HTR1F: variants seen among roughly 807,000 people sequenced by gnomAD.
HTR1F encodes 5-hydroxytryptamine (serotonin) receptor 1F, G protein-coupled.
Under a neutral mutation model 24.0 loss-of-function variants are expected in HTR1F, and 17 were observed. The ratio of observed to expected loss-of-function variants is 0.71; its 90% CI spans 0.48 to 1.06. The LOEUF is 1.06. Among genes scored for constraint, HTR1F ranks in the 50% least tolerant of loss-of-function variants. HTR1F has a pLI of 0.00. For synonymous variants in HTR1F, 186 were observed against 156.8 expected, an observed-to-expected ratio of 1.19 and a Z score of -1.39; for missense variants, 391 against 427.8, an observed-to-expected ratio of 0.91 and a Z score of 0.76.
At chr3:87,806,644 A>G (rs1282372562) in intron 1 of HTR1F, among the ~76,000 whole-genome samples, 2 of 152,052 alleles carry the variant, frequency 1.3e-5, no homozygotes, top group Non-Finnish European at 2.9e-5. Flanking sequence ...GCTGTGAAGA[A>G]GAGTTTTAGT....
chr3:87,855,411 C>T (rs968366200), intron 2 of HTR1F, among the ~76,000 whole-genome samples: 4 of 152,060 alleles, frequency 2.6e-5, no homozygotes, highest in African/African-American at 4.8e-5. Context: ...ATCCCAGAGG[C>T]CTCCAAGGCT....
At chr3:87,902,969 C>A (rs546362794) in intron 2 of HTR1F, among the ~76,000 whole-genome samples, 1 of 151,182 alleles carries the variant, frequency 6.6e-6, no homozygotes, top group Non-Finnish European at 1.5e-5. Flanking sequence ...GAAATAATGC[C>A]GCATATCTAC....
chr3:87,992,814 T>C lies in HTR1F; in HGVS notation c.*964T>C, dbSNP rs1288731693. Reference sequence around the variant, plus strand: ...TTCCATACCTTTGATTTCAACATTATTTCCCGTTTACTAGACAGAATATAA... The same window carrying C: ...TTCCATACCTTTGATTTCAACATTACTTCCCGTTTACTAGACAGAATATAA... On this transcript the variant is annotated 3_prime_UTR_variant, in exon 3 of 3. Coordinates refer to ENST00000319595, the MANE Select transcript of HTR1F (RefSeq NM_001322209.2). 6.0e-6 allele frequency: 1 copy of C among 167,008 alleles called. No homozygotes were observed. The highest frequency in any genetic ancestry group is 1.5e-5 in the Non-Finnish European group (1 of 68,096). The allele number at this position is 167,008 out of a possible 1,614,324, so 10.3% of individuals were successfully genotyped here. A position where few individuals can be genotyped will look rare whatever the true frequency, so the allele number is the denominator to read the frequency against.
chr3:87,971,360 G>C (rs1186878219), intron 2 of HTR1F, among the ~76,000 whole-genome samples: 2 of 152,026 alleles, frequency 1.3e-5, no homozygotes, highest in Non-Finnish European at 2.9e-5. Flanking sequence ...TTGAGCCCAG[G>C]AGCTTGAGAT....
intron 2 of HTR1F, among the ~76,000 whole-genome samples, chr3:87,879,909 G>C (rs1705751811): frequency 6.6e-6 from 1 of 151,856 alleles, no homozygotes; most frequent in African/African-American, 2.4e-5. Context: ...TGTACAAACA[G>C]AACATTAGGA....
intron 2 of HTR1F, among the ~76,000 whole-genome samples, chr3:87,844,236 G>A (rs561473530): frequency 0.011 from 1,692 of 151,868 alleles, 60 homozygotes; most frequent in African/African-American, 0.038. Flanking sequence ...GGTGTGAGAT[G>A]ATATCTCATT....
chr3:87,806,538 G>T (rs1413706937), intron 1 of HTR1F, among the ~76,000 whole-genome samples: 2 of 151,776 alleles, frequency 1.3e-5, no homozygotes, highest in African/African-American at 4.8e-5. Flanking sequence ...TGAGTTCATC[G>T]TATATTCTAG....
intron 2 of HTR1F, among the ~76,000 whole-genome samples, chr3:87,916,118 A>C (rs1166300507): frequency 6.6e-6 from 1 of 152,096 alleles, no homozygotes; most frequent in African/African-American, 2.4e-5. Flanking sequence ...AGCATCATAC[A>C]TGAAGAAAAG....
At chr3:87,926,326 G>A (rs1329944198) in intron 2 of HTR1F, among the ~76,000 whole-genome samples, 1 of 152,166 alleles carries the variant, frequency 6.6e-6, no homozygotes, top group Non-Finnish European at 1.5e-5. Context: ...TATGCACAGA[G>A]ATAAAACTCC....
intron 2 of HTR1F, among the ~76,000 whole-genome samples, chr3:87,915,898 A>G (rs1419260894): frequency 6.6e-6 from 1 of 152,148 alleles, no homozygotes; most frequent in Admixed American, 6.6e-5. Flanking sequence ...ACCTAGCCAC[A>G]CTGTCATCAG....
At chr3:87,875,414 C>G (rs183173643) in intron 2 of HTR1F, among the ~76,000 whole-genome samples, 1 of 151,686 alleles carries the variant, frequency 6.6e-6, no homozygotes, top group East Asian at 1.9e-4. Flanking sequence ...CATACCACTG[C>G]ACTCCAGCCT....
At chr3:87,913,520 G>A (rs1050054462) in intron 2 of HTR1F, among the ~76,000 whole-genome samples, 4 of 152,124 alleles carry the variant, frequency 2.6e-5, no homozygotes, top group African/African-American at 9.7e-5. Context: ...AAGACCATGT[G>A]GCAATTCCTC....
chr3:87,851,348 G>A (rs1705082341), intron 2 of HTR1F, among the ~76,000 whole-genome samples: 1 of 151,334 alleles, frequency 6.6e-6, no homozygotes, highest in African/African-American at 2.4e-5. Flanking sequence ...TACTGAAATG[G>A]AAGCAAGTCA....
intron 2 of HTR1F, among the ~76,000 whole-genome samples, chr3:87,975,577 G>A (rs1341611687): frequency 6.6e-6 from 1 of 152,038 alleles, no homozygotes; most frequent in Non-Finnish European, 1.5e-5. Flanking sequence ...AAAACAGGAA[G>A]AAACAAGATA....
chr3:87,984,553 C>A (rs1705621705), intron 2 of HTR1F, among the ~76,000 whole-genome samples: 2 of 152,124 alleles, frequency 1.3e-5, no homozygotes. Context: ...ACCTCTACCT[C>A]CCAGGTACAA....
intron 2 of HTR1F, among the ~76,000 whole-genome samples, chr3:87,927,815 C>A (rs1704163815): frequency 6.6e-6 from 1 of 152,074 alleles, no homozygotes; most frequent in South Asian, 2.1e-4. Flanking sequence ...CAGATGCTAT[C>A]ATTCTTCTCA....
chr3:87,911,323 G>A (rs62267048), intron 2 of HTR1F, among the ~76,000 whole-genome samples: 11,187 of 152,112 alleles, frequency 0.074, 580 homozygotes, highest in Non-Finnish European at 0.12. Context: ...AACCATCAGA[G>A]ACTATTATGA....
At chr3:87,943,400 T>G (rs12493756) in intron 2 of HTR1F, among the ~76,000 whole-genome samples, 16,933 of 152,130 alleles carry the variant, frequency 0.11, 1,102 homozygotes, top group Non-Finnish European at 0.16. Flanking sequence ...CCTAGGTCTA[T>G]TTTAATTTGC....
intron 2 of HTR1F, among the ~76,000 whole-genome samples, chr3:87,940,300 A>C (rs1285758413): frequency 6.6e-6 from 1 of 152,136 alleles, no homozygotes; most frequent in Non-Finnish European, 1.5e-5. Flanking sequence ...AAAACTCAAC[A>C]CCCCTTTATT....
Sources: gnomAD v4.1 joint callset for allele counts (sites outside exome capture counted in the v4.1 genomes callset) on GRCh38, gnomAD v4.1.1 for gene constraint, MANE v1.5 for transcripts, NCBI Gene and HGNC (gene_info 2026-07-23, HGNC 2026-07-21) for gene names.